Variants in KLC3 observed in about 807,000 individuals in gnomAD.
The protein encoded by KLC3 is kinesin light chain 2.
KLC3 carries 72 observed loss-of-function variants against 62.9 expected under a neutral mutation model. The ratio of observed to expected loss-of-function variants is 1.15; its 90% CI spans 0.95 to 1.39. The LOEUF (loss-of-function observed/expected upper bound fraction) is 1.39. KLC3 is among the 40% of genes most tolerant of loss of function. The probability of loss-of-function intolerance (pLI) is 0.00; values close to 1 mark genes in which losing one functional copy is unlikely to be tolerated. For synonymous variants in KLC3, 377 were observed against 300.5 expected (o/e 1.25, Z -2.63); for missense variants, 848 against 691.6 (o/e 1.23, Z -2.54).
chr19:45,347,415 C>G (rs56248114), intron 3 of KLC3, 32 bp from the exon 4 acceptor site: 1 of 1,576,212 alleles, frequency 6.3e-7, no homozygotes, highest in South Asian at 1.1e-5. Context: ...AAGCCCCCAC[C>G]ACCCCGGCCC....
chr19:45,351,502 C>T lies in KLC3; in HGVS notation c.*145C>T. On this transcript the variant is annotated 3_prime_UTR_variant, in exon 13 of 13. Transcript: ENST00000391946. ...AGCTGCCTTCTCCTGCGATTAAAGGCTGTGGACGTGACAGTGAGAAATGTC... is the reference window on the plus strand; with the variant it reads ...AGCTGCCTTCTCCTGCGATTAAAGGTTGTGGACGTGACAGTGAGAAATGTC... 6.3e-7 allele frequency: 1 copy of T among 1,595,898 alleles called. No homozygotes were observed. Among genetic ancestry groups the T allele is most frequent in the Non-Finnish European group, 8.5e-7 (1 of 1,175,854 alleles).
chr19:45,350,431 G>T lies in KLC3; in HGVS notation c.1234G>T (p.Gly412Cys), dbSNP rs373031387. The change falls in exon 9 of 13, where the codon GGT becomes TGT. Residue 412 changes from glycine (G) to cysteine (C), a missense_variant and splice_region_variant. By Grantham distance (159) the Gly-to-Cys change is radical (BLOSUM62 -3). Coordinates refer to ENST00000391946, the MANE Select transcript of KLC3 (RefSeq NM_177417.3). The stretch of plus-strand genomic sequence containing the variant: ...CAAGGAGGACCTACCCGCCCCTCTC[G>T]GTGAGCCCCTAGCCCCTGTCTGTCT... ...LHKEDLPAPL[G>C]APNTGTAGDA... The T allele has an allele frequency of 6.2e-7, 1 of 1,612,396 alleles. No individual in the cohort carries two copies. The highest frequency in any genetic ancestry group is 1.7e-5 in the Admixed American group (1 of 59,990).
chr19:45,341,233 AGAGT>A (rs1037735997), intron 1 of KLC3, among the ~76,000 whole-genome samples: 1 of 148,364 alleles, frequency 6.7e-6, no homozygotes, highest in Non-Finnish European at 1.5e-5. Context: ...TGTGTGTAAG[AGAGT>A]GTGTCAGGCT....
In KLC3 at chr19:45,348,044, C is replaced by T. The variant is rs1199227076; in HGVS notation, c.663C>T (p.Gly221=). 6.2e-7 allele frequency: 1 copy of T among 1,604,718 alleles called. No individual in the cohort carries two copies. The highest frequency in any genetic ancestry group is 8.5e-7 in the Non-Finnish European group (1 of 1,175,854). The change falls in exon 5 of 13, where the codon GGC becomes GGT. Residue 221 remains glycine (G), a synonymous_variant. Coordinates refer to ENST00000391946, the MANE Select transcript of KLC3 (RefSeq NM_177417.3). ...TCGTGATCCAGTACGCGGGGCAGGG[C>T]CGCTATGAGGTGGCGGTGCCTCTGT... is the stretch of plus-strand genomic sequence containing the variant. ...HNLVIQYAGQ[G]RYEVAVPLCR...
Position 45,341,578 on chromosome 19 carries a change from T to TGCGCGCGCGCGC in KLC3, c.-9+743_-9+744insCGCGCGCGCGCG, listed in dbSNP as rs200152688. On this transcript the variant is annotated intron_variant, in intron 1 of 12. Coordinates refer to ENST00000391946, the MANE Select transcript of KLC3 (RefSeq NM_177417.3). ...TGGTGTGTGTGTGTGTGTGTGTGTG[T>TGCGCGCGCGCGC]GCGCGCGCGCGTGTGGTGGACAGTG... Among the ~76,000 whole-genome samples the TGCGCGCGCGCGC allele has an allele frequency of 4.9e-4, 68 of 139,854 alleles. 1 individual carries two copies. Among genetic ancestry groups the TGCGCGCGCGCGC allele is most frequent in the Non-Finnish European group, 7.2e-4 (46 of 64,262 alleles). 91.7% of individuals were successfully genotyped at this position (139,854 alleles called of 152,430 possible).
At chr19:45,343,010 T>A (rs1263451204) in intron 1 of KLC3, among the ~76,000 whole-genome samples, 1 of 152,040 alleles carries the variant, frequency 6.6e-6, no homozygotes, top group Non-Finnish European at 1.5e-5. Context: ...TATTCACAGC[T>A]CTCTGTTCCG....
intron 2 of KLC3, among the ~76,000 whole-genome samples, 190 bp from the exon 3 acceptor site, chr19:45,346,354 G>A (rs1971489838): frequency 6.6e-6 from 1 of 152,152 alleles, no homozygotes; most frequent in African/African-American, 2.4e-5. Context: ...GGGCAAGTTT[G>A]GGGGTAAAAT....
intron 2 of KLC3, among the ~76,000 whole-genome samples, chr19:45,346,174 A>C (rs1971486152): frequency 6.6e-6 from 1 of 152,012 alleles, no homozygotes; most frequent in Non-Finnish European, 1.5e-5. Context: ...AACAACAGAA[A>C]AAAGTATGGC....
Position 45,350,947 on chromosome 19 carries a change from T to G in KLC3, c.1380-7T>G, listed in dbSNP as rs764724605. 18 of 1,613,878 alleles carry G rather than the reference T, an allele frequency of 1.1e-5. No individual in the cohort carries two copies. In the South Asian group the frequency reaches 1.9e-4, roughly 17 times the overall value. ...CACTCATTTCCTCCCTGCTGCCCTCTTTGCAGAATGAAGAGAGCCATGTCA... is the reference window on the plus strand; with the variant it reads ...CACTCATTTCCTCCCTGCTGCCCTCGTTGCAGAATGAAGAGAGCCATGTCA... On this transcript the variant is annotated splice_polypyrimidine_tract_variant and splice_region_variant and intron_variant, in intron 11 of 12. Coordinates refer to ENST00000391946, the MANE Select transcript of KLC3 (RefSeq NM_177417.3).
intron 3 of KLC3, chr19:45,347,016 G>A (rs1313363547): frequency 2.0e-6 from 1 of 495,936 alleles, no homozygotes; most frequent in Non-Finnish European, 3.6e-6. Flanking sequence ...ACCCCCAGGG[G>A]GCCTCTGACG....
intron 1 of KLC3, among the ~76,000 whole-genome samples, chr19:45,344,455 G>A (rs2123177645): frequency 6.7e-6 from 1 of 149,512 alleles, no homozygotes; most frequent in South Asian, 2.1e-4. Context: ...TTGGCCTCAA[G>A]TGATTTACCC....
intron 1 of KLC3, among the ~76,000 whole-genome samples, chr19:45,343,071 G>A (rs938670955): frequency 8.5e-5 from 13 of 152,172 alleles, no homozygotes. Flanking sequence ...GTAGGTGTGG[G>A]AGTCCCTGCT....
Position 45,347,436 on chromosome 19 carries a change from T to A in KLC3, c.490-11T>A. On this transcript the variant is annotated splice_polypyrimidine_tract_variant and intron_variant, in intron 3 of 12. Coordinates refer to ENST00000391946, the MANE Select transcript of KLC3 (RefSeq NM_177417.3). ...CCACCACCCCGGCCCCCCACTTTCCTGTCTCTGCAGCAGTCTGAGTCCCCG... is the reference window on the plus strand; with the variant it reads ...CCACCACCCCGGCCCCCCACTTTCCAGTCTCTGCAGCAGTCTGAGTCCCCG... 2 of 1,592,692 alleles carry A rather than the reference T, an allele frequency of 1.3e-6. No homozygotes were observed. Among genetic ancestry groups the A allele is most frequent in the East Asian group, 4.5e-5 (2 of 44,056 alleles).
At chr19:45,344,043 G>T (rs1971439740) in intron 1 of KLC3, among the ~76,000 whole-genome samples, 1 of 151,680 alleles carries the variant, frequency 6.6e-6, no homozygotes, top group South Asian at 2.1e-4. Context: ...TCCCAGGCTG[G>T]TCTTGAACTC....
In KLC3 at chr19:45,349,549, G is replaced by A. The variant is rs1200296354; in HGVS notation, c.1090G>A (p.Glu364Lys). The A allele has an allele frequency of 9.9e-6, 16 of 1,614,018 alleles. No homozygotes were observed. Among genetic ancestry groups the A allele is most frequent in the Non-Finnish European group, 1.4e-5 (16 of 1,179,960 alleles). The stretch of plus-strand genomic sequence containing the variant: ...CTATGCCCGGGCCCTGAGCATCTAT[G>A]AGGCACTGGGCGGGCCCCATGACCC... The part of the protein sequence containing the change: ...RHYARALSIY[E>K]ALGGPHDPNV... Residue 364 changes from glutamate to lysine, a missense_variant, in exon 8 of 13, where the codon GAG (glutamate) becomes AAG (lysine). Transcript: ENST00000391946.
At chr19:45,348,325 G>T (rs1242707520) in intron 5 of KLC3, among the ~76,000 whole-genome samples, 165 bp downstream of exon 5, 1 of 152,144 alleles carries the variant, frequency 6.6e-6, no homozygotes, top group African/African-American at 2.4e-5. Flanking sequence ...CTGTGAGAAC[G>T]GCAAAGAGGG....
rs180919816 is a variant in KLC3, at chr19:45,350,463, C to T, written c.1234+32C>T. The T allele has an allele frequency of 2.5e-5, 40 of 1,613,438 alleles. No homozygotes were observed. The African/African-American group carries it at 3.5e-4, about 14-fold the overall frequency. ...CCCTAGCCCCTGTCTGTCTTCCCTC[C>T]TGGTGGCTTCTCTATGTCCCCATCT... On this transcript the variant is annotated intron_variant, in intron 9 of 12. Coordinates refer to ENST00000391946, the MANE Select transcript of KLC3 (RefSeq NM_177417.3).
intron 1 of KLC3, 70 bp downstream of exon 1, chr19:45,340,916 C>A (rs1348493108): frequency 6.6e-6 from 1 of 152,244 alleles, no homozygotes; most frequent in Non-Finnish European, 1.5e-5. Flanking sequence ...CAACCCTGGG[C>A]CCGCTCGCCC....
At chr19:45,347,821 G>A (rs1415253217) in intron 4 of KLC3, 120 bp from the exon 5 acceptor site, 1 of 809,076 alleles carries the variant, frequency 1.2e-6, no homozygotes, top group Non-Finnish European at 2.0e-6. Context: ...GTTAGCGTGG[G>A]GGCCCATAGT....
Sources: allele counts gnomAD v4.1 joint callset (sites outside exome capture counted in the v4.1 genomes callset), GRCh38; gene constraint gnomAD v4.1.1; transcripts MANE v1.5; gene names NCBI Gene and HGNC (gene_info 2026-07-23, HGNC 2026-07-21).